The following YIPF4 variants were observed in gnomAD, a reference collection of about 807,000 sequenced individuals.
The protein encoded by YIPF4 is protein YIPF4.
YIPF4 carries 18 observed loss-of-function variants against 29.4 expected under a neutral mutation model. The observed-to-expected ratio is 0.61, with a 90% CI of 0.42 to 0.91. The LOEUF is 0.91. YIPF4 is among the 40% of genes least tolerant of loss of function. The probability of loss-of-function intolerance (pLI) is 0.00; values close to 1 mark genes in which losing one functional copy is unlikely to be tolerated. For missense variants in YIPF4, 279 were observed against 282.7 expected (o/e 0.99, Z 0.09); for synonymous variants, 115 against 104.7 (o/e 1.10, Z -0.60).
intron 1 of YIPF4, among the ~76,000 whole-genome samples, chr2:32,289,269 A>G (rs1228932390): frequency 6.6e-6 from 1 of 152,238 alleles, no homozygotes; most frequent in African/African-American, 2.4e-5. Flanking sequence ...TTGCTGTATC[A>G]GTTAGTAGCT....
rs1395449887 is a variant in YIPF4, at chr2:32,284,525, C to T, written c.80-5958C>T. On this transcript the variant is annotated intron_variant, in intron 1 of 5. Transcript: ENST00000238831. Reference sequence around the variant, plus strand: ...AGGGTGTAGCACCTCCACTGTCTGTCTCTCCCTCCTCTGGCCATGTAAAAC... The same window carrying T: ...AGGGTGTAGCACCTCCACTGTCTGTTTCTCCCTCCTCTGGCCATGTAAAAC... 3.9e-5 allele frequency among the ~76,000 whole-genome samples: 6 copies of T among 152,268 alleles called. No homozygotes were observed. The East Asian group carries it at 1.2e-3, about 29-fold the overall frequency.
intron 1 of YIPF4, among the ~76,000 whole-genome samples, chr2:32,289,369 T>C (rs1042334881): frequency 2.0e-5 from 3 of 152,232 alleles, no homozygotes; most frequent in South Asian, 2.1e-4. Context: ...TCATAGAGTA[T>C]TGTGCAAATT....
In YIPF4 at chr2:32,305,508, C is replaced by G; in HGVS notation, c.617C>G (p.Ala206Gly). Residue 206 changes from alanine to glycine, a missense_variant, in exon 6 of 6, where the codon GCT (alanine) becomes GGT (glycine). By Grantham distance (60) the Ala-to-Gly change is moderately conservative. Coordinates refer to ENST00000238831, the MANE Select transcript of YIPF4 (RefSeq NM_032312.4). ...TTAAAGCTGTTTGGTGTGTTTTGGGCTGCCTACAGTGCTGCTTCATTGTTA... is the reference window on the plus strand; with the variant it reads ...TTAAAGCTGTTTGGTGTGTTTTGGGGTGCCTACAGTGCTGCTTCATTGTTA... Reference protein sequence around the residue: ...TLIKLFGVFWAAYSAASLLVG... With the variant: ...TLIKLFGVFWGAYSAASLLVG... 1.9e-6 allele frequency: 3 copies of G among 1,595,620 alleles called. No individual in the cohort carries two copies. The highest frequency in any genetic ancestry group is 2.6e-6 in the Non-Finnish European group (3 of 1,171,442).
chr2:32,289,809 A>G (rs1378748642), intron 1 of YIPF4, among the ~76,000 whole-genome samples: 1 of 152,164 alleles, frequency 6.6e-6, no homozygotes, highest in African/African-American at 2.4e-5. Context: ...ACAAAAAGAA[A>G]ACATAGCCTT....
chr2:32,302,166 G>A (rs1191947700), intron 5 of YIPF4, among the ~76,000 whole-genome samples: 2 of 151,720 alleles, frequency 1.3e-5, no homozygotes, highest in Admixed American at 6.6e-5. Flanking sequence ...ATGTAGCTGG[G>A]ACTACAGGTG....
intron 1 of YIPF4, among the ~76,000 whole-genome samples, chr2:32,286,057 A>G (rs2030656701): frequency 6.6e-6 from 1 of 152,232 alleles, no homozygotes; most frequent in African/African-American, 2.4e-5. Flanking sequence ...TAGGGGAGTT[A>G]AACAAGGTTT....
intron 5 of YIPF4, among the ~76,000 whole-genome samples, chr2:32,303,119 C>T (rs1240988811): frequency 1.3e-5 from 2 of 152,144 alleles, no homozygotes. Flanking sequence ...AATCCCAGCA[C>T]TTTGGGAGGC....
At chr2:32,293,848 C>A (rs1338967925) in intron 3 of YIPF4, among the ~76,000 whole-genome samples, 1 of 144,912 alleles carries the variant, frequency 6.9e-6, no homozygotes, top group Non-Finnish European at 1.5e-5. Flanking sequence ...GGGGGCTGAC[C>A]CCCCCACCTC....
intron 2 of YIPF4, 114 bp downstream of exon 2, chr2:32,290,750 G>A: frequency 1.5e-6 from 1 of 645,912 alleles, no homozygotes; most frequent in Non-Finnish European, 2.2e-6. Context: ...AAAAGCTATA[G>A]TGATTGTCAA....
chr2:32,306,344 C>G lies in YIPF4; in HGVS notation c.*718C>G, dbSNP rs1369821051. 1.0e-6 allele frequency: 1 copy of G among 985,586 alleles called. No individual in the cohort carries two copies. The highest frequency in any genetic ancestry group is 1.2e-6 in the Non-Finnish European group (1 of 829,866). The allele number at this position is 985,586 out of a possible 1,614,324, so 61.1% of individuals were successfully genotyped here. A position where few individuals can be genotyped will look rare whatever the true frequency, so the allele number is the denominator to read the frequency against. On this transcript the variant is annotated 3_prime_UTR_variant, in exon 6 of 6. Transcript: ENST00000238831. Reference sequence around the variant, plus strand: ...AAACCATTTTTGAATGTCCAAACATCTGATTTAAAGTTTCTGTTTATCTTT... The same window carrying G: ...AAACCATTTTTGAATGTCCAAACATGTGATTTAAAGTTTCTGTTTATCTTT...
chr2:32,288,904 T>A (rs943389353), intron 1 of YIPF4, among the ~76,000 whole-genome samples: 3 of 152,068 alleles, frequency 2.0e-5, no homozygotes, highest in Non-Finnish European at 4.4e-5. Context: ...GAGACAGAGG[T>A]TGCGGTGAGC....
intron 1 of YIPF4, among the ~76,000 whole-genome samples, chr2:32,288,185 A>G (rs1265017889): frequency 2.6e-5 from 4 of 152,088 alleles, no homozygotes; most frequent in African/African-American, 7.2e-5. Context: ...TCAAACTGCT[A>G]TTGTTGGCAT....
chr2:32,287,909 A>G (rs1273689387), intron 1 of YIPF4, among the ~76,000 whole-genome samples: 1 of 152,236 alleles, frequency 6.6e-6, no homozygotes, highest in South Asian at 2.1e-4. Flanking sequence ...AATATTTTAT[A>G]TATAGTATAG....
intron 5 of YIPF4, 94 bp downstream of exon 5, chr2:32,301,589 T>TA: frequency 1.3e-6 from 1 of 784,384 alleles, no homozygotes; most frequent in Non-Finnish European, 2.0e-6. Context: ...ATAAAACTCT[T>TA]TATCAAACAG....
At chr2:32,278,851 T>G (rs2030239637) in intron 1 of YIPF4, among the ~76,000 whole-genome samples, 1 of 152,192 alleles carries the variant, frequency 6.6e-6, no homozygotes, top group Non-Finnish European at 1.5e-5. Context: ...CTCTACAGAT[T>G]TCCTTGTATT....
chr2:32,290,799 G>T (rs952051954), intron 2 of YIPF4, 163 bp downstream of exon 2: 29 of 388,136 alleles, frequency 7.5e-5, no homozygotes, highest in African/African-American at 6.1e-4. Context: ...AATAATGAGA[G>T]AATATTTTTT....
chr2:32,286,238 G>C lies in YIPF4; in HGVS notation c.80-4245G>C, dbSNP rs2030664478. Reference sequence around the variant, plus strand: ...TGAATAAGGTCTGTGGATTGTACCAGTGTCAGTGTCCTGAATTTGATAGTT... The same window carrying C: ...TGAATAAGGTCTGTGGATTGTACCACTGTCAGTGTCCTGAATTTGATAGTT... On this transcript the variant is annotated intron_variant, in intron 1 of 5. Coordinates refer to ENST00000238831, the MANE Select transcript of YIPF4 (RefSeq NM_032312.4). 3.3e-5 allele frequency among the ~76,000 whole-genome samples: 5 copies of C among 152,182 alleles called. No individual in the cohort carries two copies. In the South Asian group the frequency reaches 1.0e-3, roughly 32 times the overall value.
Position 32,314,587 on chromosome 2 carries a change from C to G in YIPF4, c.*8961C>G, listed in dbSNP as rs1400282633. On this transcript the variant is annotated 3_prime_UTR_variant, in exon 6 of 6. Transcript: ENST00000238831. ...ACTCTGGAGGCTGAGACAGGAGAAT[C>G]GCTTGAACCTGGGAGGTGGAGAGTG... 2 of 152,102 alleles carry G rather than the reference C, an allele frequency of 1.3e-5. No individual in the cohort carries two copies. The highest frequency in any genetic ancestry group is 4.8e-5 in the African/African-American group (2 of 41,396). 9.4% of individuals were successfully genotyped at this position (152,102 alleles called of 1,614,324 possible).
Position 32,310,347 on chromosome 2 carries a change from T to A in YIPF4, c.*4721T>A, listed in dbSNP as rs1344667690. The A allele has an allele frequency of 6.6e-6, 1 of 152,010 alleles. No individual in the cohort carries two copies. The highest frequency in any genetic ancestry group is 1.5e-5 in the Non-Finnish European group (1 of 68,006). The allele number at this position is 152,010 out of a possible 1,614,324, so 9.4% of individuals were successfully genotyped here. ...CCTGCCTCTGAAAAAATCATAATAA[T>A]ACTTTAATTTAGAAAATACCCTGAA... On this transcript the variant is annotated 3_prime_UTR_variant, in exon 6 of 6. Transcript: ENST00000238831.
Sources: allele counts gnomAD v4.1 joint callset (sites outside exome capture counted in the v4.1 genomes callset), GRCh38; gene constraint gnomAD v4.1.1; transcripts MANE v1.5; gene names NCBI Gene and HGNC (gene_info 2026-07-23, HGNC 2026-07-21).